The following ALDH3A2 variants were observed in gnomAD, a reference collection of about 807,000 sequenced individuals.
The protein encoded by ALDH3A2 is aldehyde dehydrogenase 3 family member A2.
Under a neutral mutation model 51.3 loss-of-function variants are expected in ALDH3A2, and 36 were observed. The observed-to-expected ratio is 0.70, with a 90% CI of 0.54 to 0.93. The LOEUF (loss-of-function observed/expected upper bound fraction) is 0.93, where lower values mean the gene tolerates loss of function less well. Among genes scored for constraint, ALDH3A2 ranks in the 40% least tolerant of loss-of-function variants. The pLI, the probability that ALDH3A2 is intolerant of heterozygous loss-of-function variation, is 0.00. For missense variants in ALDH3A2, 552 were observed against 603.1 expected (o/e 0.92, Z 0.89); for synonymous variants, 199 against 219.8 (o/e 0.91, Z 0.84).
chr17:19,664,729 T>A, intron 7 of ALDH3A2, among the ~76,000 whole-genome samples: 1 of 152,190 alleles, frequency 6.6e-6, no homozygotes, highest in African/African-American at 2.4e-5. Context: ...TAGATGTGTG[T>A]CTGAGAAGTT....
At chr17:19,649,173 C>G (rs1234493289) in intron 1 of ALDH3A2, 49 bp downstream of exon 1, 1 of 1,532,176 alleles carries the variant, frequency 6.5e-7, no homozygotes, top group Admixed American at 2.0e-5. Context: ...CCGCCGCGCA[C>G]TTGTGGACTG....
intron 9 of ALDH3A2, chr17:19,674,144 G>C (rs1328094241): frequency 6.6e-6 from 1 of 152,224 alleles, no homozygotes; most frequent in African/African-American, 2.4e-5. Flanking sequence ...TCAAGGTGTA[G>C]TATACAATTT....
intron 9 of ALDH3A2, chr17:19,673,231 A>G (rs767825736): frequency 2.6e-5 from 42 of 1,614,106 alleles, no homozygotes; most frequent in Non-Finnish European, 3.4e-5. Context: ...GTAAGCAGAG[A>G]TGAACACCAG....
chr17:19,652,681 C>A, intron 3 of ALDH3A2, 49 bp downstream of exon 3: 1 of 1,450,592 alleles, frequency 6.9e-7, no homozygotes, highest in Non-Finnish European at 9.7e-7. Flanking sequence ...CTGTGGAAAA[C>A]ACACATTTTA....
chr17:19,669,967 CTAA>C (rs1278306387), intron 8 of ALDH3A2, among the ~76,000 whole-genome samples: 2 of 152,132 alleles, frequency 1.3e-5, no homozygotes, highest in Non-Finnish European at 2.9e-5. Context: ...AGACAGACAA[CTAA>C]TAAGTAGTAA....
intron 9 of ALDH3A2, 102 bp downstream of exon 9, chr17:19,672,058 G>A: frequency 8.7e-7 from 1 of 1,154,454 alleles, no homozygotes; most frequent in Non-Finnish European, 1.3e-6. Context: ...TAGAGTCTAA[G>A]ACAGGGTCAG....
rs866121641 is a variant in ALDH3A2 at position 19,649,355 on chromosome 17, A to G, written c.153+231A>G. On this transcript the variant is annotated intron_variant, in intron 1 of 9. Transcript: ENST00000176643. ...CTGTGGTTCCTTTTCTGCCTTTTCT[A>G]TTCTTGTCCATTTTTCTGTTACATT... 4 of 551,154 alleles carry G rather than the reference A, an allele frequency of 7.3e-6. No homozygotes were observed. In the African/African-American group the frequency reaches 7.6e-5, roughly 10 times the overall value. The allele number at this position is 551,154 out of a possible 1,614,324, so 34.1% of individuals were successfully genotyped here.
chr17:19,666,103 TGGTGGTGGCTTGTAGAG>T (rs2085033832), intron 8 of ALDH3A2, among the ~76,000 whole-genome samples: 1 of 151,568 alleles, frequency 6.6e-6, no homozygotes, highest in Non-Finnish European at 1.5e-5. Flanking sequence ...AAATTGGAAA[TGGTGGTGGCTTGTAGAG>T]GGTGGTAGCA....
In ALDH3A2 at chr17:19,664,984, G is replaced by T; in HGVS notation, c.1144G>T (p.Gly382Cys). Residue 382 changes from glycine to cysteine, a missense_variant, in exon 8 of 10, where the codon GGT (glycine) becomes TGT (cysteine). Physicochemically the swap from Gly to Cys is radical, Grantham distance 159. Transcript: ENST00000176643. ...GATGATTGATGAGACATCCAGTGGA[G>T]GTGTCACAGGCAATGACGTCATTAT... Reference protein sequence around the residue: ...KRMIDETSSGGVTGNDVIMHF... With the variant: ...KRMIDETSSGCVTGNDVIMHF... 6.2e-7 allele frequency: 1 copy of T among 1,613,946 alleles called. No individual in the cohort carries two copies. Among genetic ancestry groups the T allele is most frequent in the Non-Finnish European group, 8.5e-7 (1 of 1,179,980 alleles).
Position 19,661,124 on chromosome 17 carries a change from T to C in ALDH3A2, c.799-3T>C. 1 of 1,609,104 alleles carries C rather than the reference T, an allele frequency of 6.2e-7. No homozygotes were observed. The highest frequency in any genetic ancestry group is 8.5e-7 in the Non-Finnish European group (1 of 1,175,516). ...ATTTATATACTCCTGTTGTTTTAAA[T>C]AGGAATTTTATGGAGAAAATATAAA... is the stretch of plus-strand genomic sequence containing the variant. On this transcript the variant is annotated splice_polypyrimidine_tract_variant and splice_region_variant and intron_variant, in intron 5 of 9. Coordinates refer to ENST00000176643, the MANE Select transcript of ALDH3A2 (RefSeq NM_000382.3).
intron 8 of ALDH3A2, among the ~76,000 whole-genome samples, chr17:19,671,087 G>C (rs2085106893): frequency 6.6e-6 from 1 of 152,188 alleles, no homozygotes; most frequent in Admixed American, 6.5e-5. Flanking sequence ...TACACACAAT[G>C]AATTAGAGAA....
At position 19,652,578 on chromosome 17, in the gene ALDH3A2, G is replaced by A. The variant is rs200806435; in HGVS notation, c.417G>A (p.Leu139=). 252 of 1,614,036 alleles carry A rather than the reference G, an allele frequency of 1.6e-4. No individual in the cohort carries two copies. Among genetic ancestry groups the A allele is most frequent in the East Asian group, 1.3e-3 (57 of 44,880 alleles). The change falls in exon 3 of 10, where the codon CTG becomes CTA. Residue 139 remains leucine, a synonymous_variant. Coordinates refer to ENST00000176643, the MANE Select transcript of ALDH3A2 (RefSeq NM_000382.3). ...CTGTGATTATAAAGCCTTCTGAACT[G>A]AGTGAAAATACAGCCAAGATCTTGG... ...GNAVIIKPSE[L]SENTAKILAK... is the part of the protein sequence containing the mutation.
intron 9 of ALDH3A2, chr17:19,673,364 T>G: frequency 6.9e-7 from 1 of 1,446,022 alleles, no homozygotes; most frequent in Non-Finnish European, 9.2e-7. Context: ...TTGTTTTTGT[T>G]TTTGTTTTTG....
At chr17:19,671,553 A>G (rs1244956848) in intron 8 of ALDH3A2, among the ~76,000 whole-genome samples, 168 bp from the exon 9 acceptor site, 1 of 152,240 alleles carries the variant, frequency 6.6e-6, no homozygotes, top group East Asian at 1.9e-4. Context: ...TGACTTTTCC[A>G]GGGAAGTTGG....
chr17:19,650,175 G>A (rs1278573527), intron 1 of ALDH3A2, among the ~76,000 whole-genome samples: 2 of 152,110 alleles, frequency 1.3e-5, no homozygotes, highest in Admixed American at 1.3e-4. Context: ...GCCTCCCAAA[G>A]TGCTGGGATT....
chr17:19,671,012 A>G (rs1054378997), intron 8 of ALDH3A2, among the ~76,000 whole-genome samples: 77 of 152,186 alleles, frequency 5.1e-4, no homozygotes, highest in African/African-American at 1.8e-3. Flanking sequence ...CCTGTGTCTT[A>G]TATCACACAT....
chr17:19,661,497 A>C (rs2084966120), intron 6 of ALDH3A2: 1 of 523,732 alleles, frequency 1.9e-6, no homozygotes, highest in African/African-American at 1.9e-5. Context: ...GTTCATATTT[A>C]CACATAACTC....
At chr17:19,668,057 G>A (rs2085063420) in intron 8 of ALDH3A2, among the ~76,000 whole-genome samples, 1 of 151,896 alleles carries the variant, frequency 6.6e-6, no homozygotes, top group South Asian at 2.1e-4. Flanking sequence ...TTGATTATTA[G>A]TGAGTTTGAA....
At chr17:19,672,828 G>A (rs990512032) in intron 9 of ALDH3A2, among the ~76,000 whole-genome samples, 3 of 151,884 alleles carry the variant, frequency 2.0e-5, no homozygotes, top group African/African-American at 7.3e-5. Context: ...GAATCACGAG[G>A]TCAGGAGTTC....
Sources: allele counts gnomAD v4.1 joint callset (sites outside exome capture counted in the v4.1 genomes callset), GRCh38; gene constraint gnomAD v4.1.1; transcripts MANE v1.5; gene names NCBI Gene and HGNC (gene_info 2026-07-23, HGNC 2026-07-21).